ZNF416: variants seen among roughly 807,000 people sequenced by gnomAD.
The protein encoded by ZNF416 is zinc finger protein 416.
A neutral mutation model predicts 10.9 loss-of-function variants in ZNF416; 5 were observed. That is an observed-to-expected ratio of 0.46 (90% confidence interval 0.24 to 0.97). ZNF416 has a LOEUF of 0.97. Ranked by LOEUF, ZNF416 falls within the 50% of genes least tolerant of loss-of-function variation. ZNF416 has a pLI of 0.19. For missense variants in ZNF416, 675 were observed against 715.0 expected, an observed-to-expected ratio of 0.94 and a Z score of 0.64; for synonymous variants, 267 against 251.8, an observed-to-expected ratio of 1.06 and a Z score of -0.57.
rs1277815238 is a variant in ZNF416, at chr19:57,572,148, G to A, written c.1756C>T (p.Pro586Ser). The change falls in exon 4 of 4, where the codon CCC becomes TCC. Residue 586 changes from proline to serine, a missense_variant. Physicochemically the swap from Pro to Ser is moderately conservative, Grantham distance 74. Coordinates refer to ENST00000196489, the MANE Select transcript of ZNF416 (RefSeq NM_017879.3). This position sits in a 1 kb window ranked among gnomAD's most constrained non-coding sequence, Gnocchi z 4.5. ...ACAATGTTAGATCTTGGGCTGTAGG[G>A]TTTTCCACATTTGCTGCTGTCACGA... The part of the protein sequence containing the change: ...RPRDSSKCGK[P>S]YSPRSNIV 3 of 1,613,300 alleles carry A rather than the reference G, an allele frequency of 1.9e-6. No individual in the cohort carries two copies. Among genetic ancestry groups the A allele is most frequent in the South Asian group, 1.1e-5 (1 of 91,080 alleles).
At chr19:57,574,124 C>T (rs1011524536) in intron 3 of ZNF416, among the ~76,000 whole-genome samples, 1 of 152,178 alleles carries the variant, frequency 6.6e-6, no homozygotes, top group Non-Finnish European at 1.5e-5. Flanking sequence ...AAGGGCTCAG[C>T]AAGGAGCATA....
intron 1 of ZNF416, chr19:57,578,390 A>C: frequency 1.9e-6 from 1 of 536,466 alleles, no homozygotes; most frequent in Non-Finnish European, 3.3e-6. Flanking sequence ...ACAACCACCC[A>C]TGGCTCTCAG....
At chr19:57,577,930 C>A in intron 2 of ZNF416, 127 bp downstream of exon 2, 2 of 1,008,978 alleles carry the variant, frequency 2.0e-6, no homozygotes, top group East Asian at 2.4e-5. Flanking sequence ...GACCCTGGGA[C>A]TGATGTTTGT....
At chr19:57,578,151 G>A in intron 1 of ZNF416, 53 bp from the exon 2 acceptor site, 4 of 1,588,262 alleles carry the variant, frequency 2.5e-6, no homozygotes, top group Non-Finnish European at 1.7e-6. Flanking sequence ...GAAGCTCCAT[G>A]GGCTGATGCC....
At position 57,573,151 on chromosome 19, in the gene ZNF416, G is replaced by A; in HGVS notation, c.753C>T (p.Cys251=). 1 of 1,614,174 alleles carries A rather than the reference G, an allele frequency of 6.2e-7. No individual in the cohort carries two copies. The highest frequency in any genetic ancestry group is 8.5e-7 in the Non-Finnish European group (1 of 1,180,012). The change falls in exon 4 of 4, where the codon TGC becomes TGT. Residue 251 remains cysteine, a synonymous_variant. Coordinates refer to ENST00000196489, the MANE Select transcript of ZNF416 (RefSeq NM_017879.3). Reference sequence around the variant, plus strand: ...GCTGAACAAGGGAGCACTCACAGCAGCAGGCTTTCCCACATTTGCTAGATT... The same window carrying A: ...GCTGAACAAGGGAGCACTCACAGCAACAGGCTTTCCCACATTTGCTAGATT... ...LYESSKCGKA[C]CCECSLVQLQ...
At position 57,573,461 on chromosome 19, in the gene ZNF416, G is replaced by A; in HGVS notation, c.443C>T (p.Pro148Leu). Residue 148 changes from proline to leucine, a missense_variant, in exon 4 of 4, where the codon CCC (proline) becomes CTC (leucine). Coordinates refer to ENST00000196489, the MANE Select transcript of ZNF416 (RefSeq NM_017879.3). ...GGCCTTGTCCATGTCACTTTCCAAGGGTTTCTCTGCACTATGATGCTTCTG... is the reference window on the plus strand; with the variant it reads ...GGCCTTGTCCATGTCACTTTCCAAGAGTTTCTCTGCACTATGATGCTTCTG... Reference protein sequence around the residue: ...QDQKHHSAEKPLESDMDKASF... With the variant: ...QDQKHHSAEKLLESDMDKASF... 6.2e-7 allele frequency: 1 copy of A among 1,614,182 alleles called. No individual in the cohort carries two copies. The highest frequency in any genetic ancestry group is 8.5e-7 in the Non-Finnish European group (1 of 1,180,024).
chr19:57,575,994 C>T lies in ZNF416; in HGVS notation c.76-64G>A. 6.4e-7 allele frequency: 1 copy of T among 1,570,816 alleles called. No homozygotes were observed. The highest frequency in any genetic ancestry group is 1.2e-5 in the South Asian group (1 of 85,142). On this transcript the variant is annotated intron_variant, in intron 2 of 3. Coordinates refer to ENST00000196489, the MANE Select transcript of ZNF416 (RefSeq NM_017879.3). The surrounding 1 kb of genome is among the most constrained non-coding windows in gnomAD (Gnocchi z 4.4). ...TCTCCTAGGACCCCAAGTTCATGCC[C>T]CCCACACATCCTTTCCCTGCTTATC...
At chr19:57,577,978 G>T in intron 2 of ZNF416, 79 bp downstream of exon 2, 1 of 1,511,630 alleles carries the variant, frequency 6.6e-7, no homozygotes, top group South Asian at 1.1e-5. Flanking sequence ...AGAGTGCCAA[G>T]AGAAGAGTCC....
chr19:57,574,715 G>C (rs369855289), intron 3 of ZNF416, among the ~76,000 whole-genome samples: 5 of 152,098 alleles, frequency 3.3e-5, no homozygotes, highest in Admixed American at 1.3e-4. Context: ...GTAAGAATGG[G>C]GTACAGTACA....
intron 3 of ZNF416, among the ~76,000 whole-genome samples, chr19:57,574,633 A>C (rs1451836765): frequency 6.6e-6 from 1 of 152,196 alleles, no homozygotes; most frequent in Non-Finnish European, 1.5e-5. Flanking sequence ...AAAGCAGGAT[A>C]AGAAAGAGGC....
chr19:57,573,682 C>T lies in ZNF416; in HGVS notation c.222G>A (p.Glu74=), dbSNP rs1467706596. The change falls in exon 4 of 4, where the codon GAG becomes GAA. Residue 74 remains glutamate, a synonymous_variant. Transcript: ENST00000196489. ...ITALVCWHGM[E]DEETPEQSVS... is the part of the protein sequence containing the mutation. Reference sequence around the variant, plus strand: ...CACTTTGCTCAGGTGTCTCTTCATCCTCCATCCCATGCCAACAAACTGAAA... The same window carrying T: ...CACTTTGCTCAGGTGTCTCTTCATCTTCCATCCCATGCCAACAAACTGAAA... 6.2e-7 allele frequency: 1 copy of T among 1,610,860 alleles called. No homozygotes were observed. Among genetic ancestry groups the T allele is most frequent in the South Asian group, 1.1e-5 (1 of 91,016 alleles).
rs775378718 is a variant in ZNF416, at chr19:57,572,842, A to T, written c.1062T>A (p.Tyr354Ter). ...HCRIHTGERP[Y>*]ECDECGKAFG... ...AGGCTTTTCCACATTCATCACACTC[A>T]TAAGGCCTTTCTCCAGTGTGAATTC... The change falls in exon 4 of 4, where the codon TAT (tyrosine) becomes TAA (stop). Residue 354 changes from tyrosine to a stop codon, truncating the protein, a stop_gained. Transcript: ENST00000196489. LOFTEE classifies it low-confidence loss of function (END_TRUNC). The surrounding 1 kb of genome is among the most constrained non-coding windows in gnomAD (Gnocchi z 4.5). 2 of 1,614,100 alleles carry T rather than the reference A, an allele frequency of 1.2e-6. No individual in the cohort carries two copies. Among genetic ancestry groups the T allele is most frequent in the Non-Finnish European group, 8.5e-7 (1 of 1,179,930 alleles).
chr19:57,575,730 T>C lies in ZNF416; in HGVS notation c.202+74A>G. 3 of 1,604,004 alleles carry C rather than the reference T, an allele frequency of 1.9e-6. No individual in the cohort carries two copies. Among genetic ancestry groups the C allele is most frequent in the Non-Finnish European group, 1.7e-6 (2 of 1,171,520 alleles). On this transcript the variant is annotated intron_variant, in intron 3 of 3. Coordinates refer to ENST00000196489, the MANE Select transcript of ZNF416 (RefSeq NM_017879.3). The surrounding 1 kb of genome is among the most constrained non-coding windows in gnomAD (Gnocchi z 4.4). ...GTGGGGAAGTCAGCAAAGCCCACGGTCCGGCAGAGCTGCCTCTGAGGAAAA... is the reference window on the plus strand; with the variant it reads ...GTGGGGAAGTCAGCAAAGCCCACGGCCCGGCAGAGCTGCCTCTGAGGAAAA...
intron 3 of ZNF416, among the ~76,000 whole-genome samples, chr19:57,573,979 G>C (rs189139501): frequency 1.3e-5 from 2 of 151,996 alleles, no homozygotes; most frequent in Admixed American, 6.6e-5. Flanking sequence ...AGCCCAGATC[G>C]CACCACTGCA....
In ZNF416 at chr19:57,573,210, G is replaced by GA. The variant is rs781145564; in HGVS notation, c.693dup (p.His232SerfsTer3). On this transcript the variant is annotated frameshift_variant, in exon 4 of 4. Coordinates refer to ENST00000196489, the MANE Select transcript of ZNF416 (RefSeq NM_017879.3). LOFTEE classifies it low-confidence loss of function (END_TRUNC). The stretch of plus-strand genomic sequence containing the variant: ...CTTTTTCCAGTGCAGACTCTAGGGT[G>GA]AAAAAAAGTGTGTTTGTGGCTGGAC... 16 of 1,614,060 alleles carry GA rather than the reference G, an allele frequency of 9.9e-6. No individual in the cohort carries two copies. Among genetic ancestry groups the GA allele is most frequent in the Admixed American group, 1.7e-5 (1 of 60,012 alleles).
In ZNF416 at chr19:57,578,074, G is replaced by A. The variant is rs767318461; in HGVS notation, c.58C>T (p.Leu20Phe). 2 of 1,614,096 alleles carry A rather than the reference G, an allele frequency of 1.2e-6. No individual in the cohort carries two copies. The highest frequency in any genetic ancestry group is 2.7e-5 in the African/African-American group (2 of 74,930). ...CCACTCACCTGTGTAAAGCCCATAA[G>A]TTTAGCTTCTGCAGTCACGGGAACC... Reference protein sequence around the residue: ...TSVPVTAEAKLMGFTQGCVTF... With the variant: ...TSVPVTAEAKFMGFTQGCVTF... The change falls in exon 2 of 4, where the codon CTT becomes TTT. Residue 20 changes from leucine to phenylalanine, a missense_variant. Coordinates refer to ENST00000196489, the MANE Select transcript of ZNF416 (RefSeq NM_017879.3).
intron 3 of ZNF416, among the ~76,000 whole-genome samples, chr19:57,574,158 C>T (rs1354592661): frequency 6.6e-6 from 1 of 152,150 alleles, no homozygotes; most frequent in Non-Finnish European, 1.5e-5. Flanking sequence ...CAATCCAGAG[C>T]CCATACTCCC....
rs924516732 is a variant in ZNF416, at chr19:57,575,695, C to T, written c.202+109G>A. On this transcript the variant is annotated intron_variant, in intron 3 of 3. Transcript: ENST00000196489. The surrounding 1 kb of genome is among the most constrained non-coding windows in gnomAD (Gnocchi z 4.4). The stretch of plus-strand genomic sequence containing the variant: ...TTCATTCCTTACACCACAGCACATA[C>T]GCCAAGACAGTGGGGAAGTCAGCAA... The T allele has an allele frequency of 2.9e-5, 42 of 1,455,126 alleles. No homozygotes were observed. Among genetic ancestry groups the T allele is most frequent in the East Asian group, 9.1e-5 (4 of 43,838 alleles). The allele number at this position is 1,455,126 out of a possible 1,614,324, so 90.1% of individuals were successfully genotyped here. A position where few individuals can be genotyped will look rare whatever the true frequency, so the allele number is the denominator to read the frequency against.
Position 57,572,355 on chromosome 19 carries a change from T to C in ZNF416, c.1549A>G (p.Thr517Ala). ...CCACAGTCGTAAGGCCTTAATCCAG[T>C]GTGAATTTTCTGGTGTTCAACGAGG... is the stretch of plus-strand genomic sequence containing the variant. ...YTLVEHQKIH[T>A]GLRPYDCGQC... The change falls in exon 4 of 4, where the codon ACT becomes GCT. Residue 517 changes from threonine (T) to alanine (A), a missense_variant. Transcript: ENST00000196489. This position sits in a 1 kb window ranked among gnomAD's most constrained non-coding sequence, Gnocchi z 4.5. The C allele has an allele frequency of 1.9e-6, 3 of 1,614,232 alleles. No individual in the cohort carries two copies. The highest frequency in any genetic ancestry group is 2.5e-6 in the Non-Finnish European group (3 of 1,180,040).
Sources: allele counts gnomAD v4.1 joint callset (sites outside exome capture counted in the v4.1 genomes callset), GRCh38; gene constraint gnomAD v4.1.1; non-coding constraint Gnocchi (gnomAD v3.1); transcripts MANE v1.5; gene names NCBI Gene and HGNC (gene_info 2026-07-23, HGNC 2026-07-21).